Variants in RBFOX1 observed in about 807,000 individuals in gnomAD.
RBFOX1 encodes the protein RNA binding fox-1 homolog 1, also known as RNA binding protein fox-1 homolog 1.
In RBFOX1, 8 loss-of-function variants were observed where a neutral mutation model predicts 57.7. That is an observed-to-expected ratio of 0.14 (90% CI 0.08 to 0.25). The LOEUF is 0.25. Ranked by LOEUF, RBFOX1 falls within the 10% of genes least tolerant of loss-of-function variation. The pLI is 1.00. For missense variants in RBFOX1, 611 were observed against 548.5 expected, an observed-to-expected ratio of 1.11 and a Z score of -1.14; for synonymous variants, 326 against 222.4, an observed-to-expected ratio of 1.47 and a Z score of -4.15.
chr16:7,272,584 A>G (rs950574450), intron 4 of RBFOX1, among the ~76,000 whole-genome samples: 1 of 152,202 alleles, frequency 6.6e-6, no homozygotes, highest in African/African-American at 2.4e-5. Flanking sequence ...GGTTGTAGAG[A>G]GGACAGGAAA....
At chr16:6,309,677 T>C (rs1419803784) in intron 1 of RBFOX1, among the ~76,000 whole-genome samples, 2 of 152,088 alleles carry the variant, frequency 1.3e-5, no homozygotes, top group East Asian at 1.9e-4. Context: ...TGGGGTGTAA[T>C]ATTGTTAGTC....
chr16:7,048,109 C>T (rs995457428), intron 3 of RBFOX1, among the ~76,000 whole-genome samples: 2 of 152,174 alleles, frequency 1.3e-5, no homozygotes, highest in South Asian at 2.1e-4. Flanking sequence ...AAATTCCTGA[C>T]CTCAGGTGAT....
chr16:6,005,038 G>T (rs1307901096), intron 4 of RBFOX1, among the ~76,000 whole-genome samples: 1 of 152,192 alleles, frequency 6.6e-6, no homozygotes, highest in Non-Finnish European at 1.5e-5. Flanking sequence ...ACTTTAAGAA[G>T]AGAGTGTGTT....
chr16:5,606,672 A>G (rs2047591902), intron 3 of RBFOX1, among the ~76,000 whole-genome samples: 2 of 152,104 alleles, frequency 1.3e-5, no homozygotes, highest in Admixed American at 1.3e-4. Context: ...ACTGAGGCAC[A>G]ATCTGATTGC....
Position 6,881,294 on chromosome 16 carries a change from A to G in RBFOX1, c.-15-170763A>G, listed in dbSNP as rs115816730. Among the ~76,000 whole-genome samples the G allele has an allele frequency of 6.7e-3, 1,027 of 152,300 alleles. 10 individuals carry two copies. The highest frequency in any genetic ancestry group is 0.023 in the African/African-American group (971 of 41,558). On this transcript the variant is annotated intron_variant, in intron 3 of 15. Transcript: ENST00000550418. Reference sequence around the variant, plus strand: ...GAGAGCAAAGGAAGGGGTAAAACCTATCGTTGACAATATTAGTTTGCTTGG... The same window carrying G: ...GAGAGCAAAGGAAGGGGTAAAACCTGTCGTTGACAATATTAGTTTGCTTGG...
chr16:6,871,097 C>A (rs186004970), intron 3 of RBFOX1, among the ~76,000 whole-genome samples: 24 of 152,288 alleles, frequency 1.6e-4, no homozygotes, highest in Admixed American at 1.4e-3. Context: ...TATCTTTCTT[C>A]TTACATTCTT....
At chr16:5,403,988 G>T (rs1007909326) in intron 1 of RBFOX1, among the ~76,000 whole-genome samples, 4 of 151,516 alleles carry the variant, frequency 2.6e-5, no homozygotes, top group Non-Finnish European at 5.9e-5. Context: ...CCATGGGAAG[G>T]GTGGGGCTGG....
intron 1 of RBFOX1, among the ~76,000 whole-genome samples, chr16:6,254,115 T>G (rs1453984012): frequency 1.3e-5 from 2 of 152,112 alleles, no homozygotes; most frequent in Non-Finnish European, 2.9e-5. Context: ...TTGCCTTCCT[T>G]GATGGAGGTT....
intron 3 of RBFOX1, among the ~76,000 whole-genome samples, chr16:6,866,583 C>A (rs563028258): frequency 2.4e-5 from 3 of 122,772 alleles, no homozygotes; most frequent in South Asian, 5.9e-4. Context: ...GCTCTGTCCC[C>A]CAGGCTGGAG....
intron 4 of RBFOX1, among the ~76,000 whole-genome samples, chr16:7,252,847 C>G (rs116075562): frequency 1.3e-5 from 2 of 152,018 alleles, no homozygotes; most frequent in Non-Finnish European, 2.9e-5. Context: ...TAAATTCAGA[C>G]CAAGTGATCT....
At chr16:6,903,314 C>G (rs2068936016) in intron 3 of RBFOX1, among the ~76,000 whole-genome samples, 1 of 152,130 alleles carries the variant, frequency 6.6e-6, no homozygotes, top group Non-Finnish European at 1.5e-5. Flanking sequence ...GTCAGCAGCC[C>G]TTACAGCCTG....
intron 2 of RBFOX1, among the ~76,000 whole-genome samples, chr16:6,626,757 C>T (rs1467328670): frequency 1.3e-5 from 2 of 150,406 alleles, no homozygotes; most frequent in East Asian, 2.0e-4. Flanking sequence ...GAGACTCCAT[C>T]TTAATAAATA....
intron 3 of RBFOX1, among the ~76,000 whole-genome samples, chr16:5,763,238 C>T (rs997275226): frequency 2.0e-5 from 3 of 152,232 alleles, no homozygotes; most frequent in Non-Finnish European, 2.9e-5. Flanking sequence ...CAGATCCACA[C>T]TCGGATCAGA....
intron 11 of RBFOX1, among the ~76,000 whole-genome samples, chr16:7,634,478 G>A (rs2061457932): frequency 6.6e-6 from 1 of 151,512 alleles, no homozygotes; most frequent in African/African-American, 2.4e-5. Flanking sequence ...TAGGGGAGAT[G>A]GTTTTTAAAG....
chr16:5,462,458 G>A (rs538152167), intron 1 of RBFOX1, among the ~76,000 whole-genome samples: 227 of 152,084 alleles, frequency 1.5e-3, no homozygotes, highest in African/African-American at 5.2e-3. Context: ...GTGAGCCACC[G>A]CGCCCGGCCG....
At chr16:6,897,942 C>G (rs910235862) in intron 3 of RBFOX1, among the ~76,000 whole-genome samples, 3 of 152,178 alleles carry the variant, frequency 2.0e-5, no homozygotes, top group African/African-American at 7.2e-5. Context: ...CTGTGTCTCA[C>G]CAGGTCGGAT....
chr16:5,492,391 T>C (rs887909830), intron 2 of RBFOX1, among the ~76,000 whole-genome samples: 4 of 151,918 alleles, frequency 2.6e-5, no homozygotes, highest in African/African-American at 9.7e-5. Context: ...CTTCAGGGAG[T>C]TTGCAGTTTA....
At chr16:5,502,519 A>C (rs2043235064) in intron 2 of RBFOX1, among the ~76,000 whole-genome samples, 1 of 152,168 alleles carries the variant, frequency 6.6e-6, no homozygotes, top group Non-Finnish European at 1.5e-5. Context: ...GTCTGGCTGG[A>C]GACCTGCCTT....
intron 3 of RBFOX1, among the ~76,000 whole-genome samples, chr16:5,755,722 C>A (rs116171943): frequency 1.3e-5 from 2 of 152,158 alleles, no homozygotes; most frequent in Non-Finnish European, 2.9e-5. Context: ...ACTCGGCCTC[C>A]GAAGTAGCTG....
Sources: gnomAD v4.1 joint callset for allele counts (sites outside exome capture counted in the v4.1 genomes callset) on GRCh38, gnomAD v4.1.1 for gene constraint, MANE v1.5 for transcripts, NCBI Gene and HGNC (gene_info 2026-07-23, HGNC 2026-07-21) for gene names.